The following MAST4 variants were observed in gnomAD, a reference collection of about 807,000 sequenced individuals.
The protein encoded by MAST4 is microtubule associated serine/threonine kinase family member 4.
In MAST4, 89 loss-of-function variants were observed where a neutral mutation model predicts 162.7. That is an observed-to-expected ratio of 0.55 (90% CI 0.46 to 0.65). The LOEUF is 0.65. Ranked by LOEUF, MAST4 falls within the 30% of genes least tolerant of loss-of-function variation. The pLI is 0.00. For synonymous variants in MAST4, 1,479 were observed against 1,361.1 expected, an observed-to-expected ratio of 1.09 and a Z score of -1.91; for missense variants, 3,153 against 3,374.0, an observed-to-expected ratio of 0.93 and a Z score of 1.62.
intron 1 of MAST4, among the ~76,000 whole-genome samples, chr5:66,719,903 T>C (rs1385746141): frequency 2.0e-5 from 3 of 152,226 alleles, no homozygotes; most frequent in African/African-American, 7.2e-5. Flanking sequence ...CAAGCAGTTG[T>C]CATAGTCATT....
In MAST4 at chr5:67,114,235, G is replaced by A; in HGVS notation, c.1591+16G>A. 1.9e-6 allele frequency: 3 copies of A among 1,602,232 alleles called. No homozygotes were observed. The highest frequency in any genetic ancestry group is 1.7e-6 in the Non-Finnish European group (2 of 1,176,224). ...CCCTTGGAAGGTGAGTCCCTGGGTT[G>A]TTCCTACCTTTGACTTTGCTTATGC... On this transcript the variant is annotated intron_variant, in intron 12 of 28. Coordinates refer to ENST00000403625, the MANE Select transcript of MAST4 (RefSeq NM_001164664.2).
chr5:66,624,678 T>A (rs781008314), intron 1 of MAST4, among the ~76,000 whole-genome samples: 16 of 152,218 alleles, frequency 1.1e-4, no homozygotes, highest in Admixed American at 3.3e-4. Flanking sequence ...AACAGCATGG[T>A]ACTGCTATAA....
chr5:66,979,321 G>T (rs1748502494), intron 4 of MAST4, among the ~76,000 whole-genome samples: 1 of 152,106 alleles, frequency 6.6e-6, no homozygotes, highest in South Asian at 2.1e-4. Flanking sequence ...AGTAGCGGGG[G>T]CAGATGCTCG....
intron 1 of MAST4, among the ~76,000 whole-genome samples, chr5:66,711,595 G>C (rs4637499): frequency 0.094 from 14,375 of 152,204 alleles, 791 homozygotes; most frequent in Admixed American, 0.14. Flanking sequence ...AGCAATTTGG[G>C]AGGCCAAGGC....
chr5:66,700,434 T>C (rs1007861674), intron 1 of MAST4, among the ~76,000 whole-genome samples: 7 of 152,066 alleles, frequency 4.6e-5, no homozygotes, highest in African/African-American at 1.7e-4. Flanking sequence ...AATTTTATAT[T>C]AACCTTGTCA....
At chr5:66,767,607 T>TACAC (rs375471494) in intron 2 of MAST4, among the ~76,000 whole-genome samples, 1 of 151,394 alleles carries the variant, frequency 6.6e-6, no homozygotes, top group Non-Finnish European at 1.5e-5. Context: ...AGGATATATA[T>TACAC]ACACACACAC....
chr5:66,712,319 G>T (rs2149525445), intron 1 of MAST4, among the ~76,000 whole-genome samples: 1 of 152,286 alleles, frequency 6.6e-6, no homozygotes, highest in South Asian at 2.1e-4. Flanking sequence ...TAGTATATGA[G>T]GGTGCCAGAT....
intron 1 of MAST4, among the ~76,000 whole-genome samples, chr5:66,618,740 A>G (rs1288128262): frequency 6.6e-6 from 1 of 152,196 alleles, no homozygotes; most frequent in African/African-American, 2.4e-5. Flanking sequence ...CCCATTAGGA[A>G]TATTGTGCTT....
intron 3 of MAST4, among the ~76,000 whole-genome samples, chr5:66,803,742 AAAT>A (rs137978324): frequency 0.014 from 2,137 of 152,276 alleles, 49 homozygotes; most frequent in African/African-American, 0.049. Flanking sequence ...GTAATTTTGC[AAAT>A]AATAATTTGC....
At chr5:66,979,349 C>T (rs1354501491) in intron 4 of MAST4, among the ~76,000 whole-genome samples, 1 of 151,970 alleles carries the variant, frequency 6.6e-6, no homozygotes, top group Non-Finnish European at 1.5e-5. Flanking sequence ...CCACCTTGCT[C>T]CTTGTTCCTG....
At chr5:66,742,211 C>G (rs531740845) in intron 1 of MAST4, among the ~76,000 whole-genome samples, 1 of 152,252 alleles carries the variant, frequency 6.6e-6, no homozygotes, top group South Asian at 2.1e-4. Flanking sequence ...AGATGCTGAC[C>G]GTACAGTTGC....
chr5:66,875,218 G>A (rs1761215306), intron 3 of MAST4, among the ~76,000 whole-genome samples: 1 of 152,178 alleles, frequency 6.6e-6, no homozygotes, highest in Admixed American at 6.5e-5. Flanking sequence ...AGAAAGATGA[G>A]GAAGGGATTG....
At chr5:66,657,359 A>G (rs1185513014) in intron 1 of MAST4, among the ~76,000 whole-genome samples, 1 of 152,228 alleles carries the variant, frequency 6.6e-6, no homozygotes, top group Non-Finnish European at 1.5e-5. Flanking sequence ...TAGTTTAGCA[A>G]TCTGCAAACT....
chr5:66,597,447 G>A (rs1234592662), intron 1 of MAST4, among the ~76,000 whole-genome samples: 1 of 152,168 alleles, frequency 6.6e-6, no homozygotes, highest in Non-Finnish European at 1.5e-5. Context: ...TTGGGGGTAA[G>A]AGGCAGGAGT....
chr5:66,769,707 A>G (rs1472259315), intron 2 of MAST4, among the ~76,000 whole-genome samples: 1 of 152,212 alleles, frequency 6.6e-6, no homozygotes, highest in Non-Finnish European at 1.5e-5. Flanking sequence ...CTGTTACAGG[A>G]CCGCCCTCCT....
chr5:66,924,201 G>A (rs1561449868), intron 4 of MAST4, among the ~76,000 whole-genome samples: 2 of 152,144 alleles, frequency 1.3e-5, no homozygotes, highest in African/African-American at 4.8e-5. Flanking sequence ...TTTCAGAAGA[G>A]TTTGTACATT....
chr5:66,821,708 G>A (rs1383893571), intron 3 of MAST4, among the ~76,000 whole-genome samples: 1 of 152,150 alleles, frequency 6.6e-6, no homozygotes, highest in Non-Finnish European at 1.5e-5. Flanking sequence ...GGCATGTGAG[G>A]CTCAGCTCAT....
intron 4 of MAST4, among the ~76,000 whole-genome samples, chr5:67,002,579 C>T (rs1751414490): frequency 6.6e-6 from 1 of 152,156 alleles, no homozygotes; most frequent in South Asian, 2.1e-4. Flanking sequence ...TCCTCTGCTC[C>T]AGTCTTATGT....
rs1322959001 is a variant in MAST4, at chr5:66,930,774, C to T, written c.674+30792C>T. The T allele has an allele frequency of 2.3e-5, 11 of 470,656 alleles. No individual in the cohort carries two copies. The East Asian group carries it at 3.5e-4, about 15-fold the overall frequency. The allele number at this position is 470,656 out of a possible 1,614,324, so 29.2% of individuals were successfully genotyped here. On this transcript the variant is annotated intron_variant, in intron 4 of 28. Transcript: ENST00000403625. ...ACTGAGCGATTCTCTGACAGAACAT[C>T]GTGGATTGAGAGGAAATAAGAATGG...
Sources: allele counts gnomAD v4.1 joint callset (sites outside exome capture counted in the v4.1 genomes callset), GRCh38; gene constraint gnomAD v4.1.1; transcripts MANE v1.5; gene names NCBI Gene and HGNC (gene_info 2026-07-23, HGNC 2026-07-21).